Variants in SYTL2 observed in about 807,000 individuals in gnomAD.
The protein encoded by SYTL2 is synaptotagmin like 2, also known as synaptotagmin-like protein 2.
Under a neutral mutation model 198.7 loss-of-function variants are expected in SYTL2, and 165 were observed. The ratio of observed to expected loss-of-function variants is 0.83; its 90% CI spans 0.73 to 0.94. SYTL2 has a LOEUF of 0.94. SYTL2 is among the 40% of genes least tolerant of loss of function. The pLI is 0.00. For missense variants in SYTL2, 2,835 were observed against 2,582.8 expected (o/e 1.10, Z -2.12); for synonymous variants, 966 against 917.7 (o/e 1.05, Z -0.95).
At chr11:85,783,568 A>C (rs1480543527) in intron 1 of SYTL2, among the ~76,000 whole-genome samples, 1 of 152,228 alleles carries the variant, frequency 6.6e-6, no homozygotes, top group East Asian at 1.9e-4. Context: ...AAAAACAATA[A>C]GACTATCAAA....
At chr11:85,842,237 G>A in the SYTL2 span, among the ~76,000 whole-genome samples, 3 of 152,302 alleles carry the variant, frequency 2.0e-5, no homozygotes, top group African/African-American at 7.2e-5. Flanking sequence ...CATTCACCAG[G>A]CAAACCCTTA....
chr11:85,709,496 C>T lies in SYTL2; in HGVS notation c.5750G>A (p.Ser1917Asn). Residue 1917 changes from serine (S) to asparagine (N), a missense_variant, in exon 14 of 20, where the codon AGT (serine) becomes AAT (asparagine). This residue lies in a region of SYTL2 where 2,645 missense variants were observed against 2,381.7 expected (regional missense o/e 1.11). Transcript: ENST00000359152. ...ACTATAAACACTCATCACACTGCCA[C>T]TCACCTGAAAGCATCAGAAATACAT... ...SSGMTSLSSV[S>N]GSVMSVYSGD... 6.2e-7 allele frequency: 1 copy of T among 1,613,616 alleles called. No individual in the cohort carries two copies. The highest frequency in any genetic ancestry group is 1.1e-5 in the South Asian group (1 of 91,072).
At position 85,725,328 on chromosome 11, in the gene SYTL2, T is replaced by TAGCCTGGGGAACAAGATGAGC. The variant is rs1182780361; in HGVS notation, c.4009_4029dup (p.Ala1337_Ala1343dup). 6.2e-7 allele frequency: 1 copy of TAGCCTGGGGAACAAGATGAGC among 1,614,020 alleles called. No individual in the cohort carries two copies. Among genetic ancestry groups the TAGCCTGGGGAACAAGATGAGC allele is most frequent in the East Asian group, 2.2e-5 (1 of 44,888 alleles). On this transcript the variant is annotated inframe_insertion, in exon 8 of 20. Transcript: ENST00000359152. ...ATTTCCGTTTGAGAAGGGTGTACCC[T>TAGCCTGGGGAACAAGATGAGC]AGCCTGGGGAACAAGATGAGCATCC...
chr11:85,847,998 G>A, the SYTL2 span, among the ~76,000 whole-genome samples: 7 of 152,178 alleles, frequency 4.6e-5, no homozygotes, highest in South Asian at 4.2e-4. Flanking sequence ...AGGCTAAGGC[G>A]GGAGAATCGC....
At chr11:85,819,476 T>C in the SYTL2 span, among the ~76,000 whole-genome samples, 13 of 152,320 alleles carry the variant, frequency 8.5e-5, no homozygotes, top group South Asian at 1.7e-3. Flanking sequence ...CCCAAGATGG[T>C]CTCTCCTTCT....
intron 7 of SYTL2, among the ~76,000 whole-genome samples, chr11:85,728,528 A>G (rs947320915): frequency 2.6e-5 from 4 of 151,616 alleles, no homozygotes; most frequent in East Asian, 1.9e-4. Context: ...CTCATGATCC[A>G]CTCACCTCAG....
chr11:85,850,298 G>A, the SYTL2 span, among the ~76,000 whole-genome samples: 1 of 151,538 alleles, frequency 6.6e-6, no homozygotes, highest in Non-Finnish European at 1.5e-5. Context: ...CTGCCTAATT[G>A]CCCTGGCCAG....
Position 85,726,260 on chromosome 11 carries a change from G to C in SYTL2, c.3098C>G (p.Thr1033Ser). 6.2e-7 allele frequency: 1 copy of C among 1,613,708 alleles called. No individual in the cohort carries two copies. Among genetic ancestry groups the C allele is most frequent in the Admixed American group, 1.7e-5 (1 of 59,938 alleles). The change falls in exon 8 of 20, where the codon ACC becomes AGC. Residue 1033 changes from threonine (T) to serine (S), a missense_variant. Physicochemically the swap from Thr to Ser is moderately conservative, Grantham distance 58 (BLOSUM62 1). Transcript: ENST00000359152. ...GCTTAGAAGCACCTCTGCTTCATGG[G>C]TATTTTTACCTGATAATTTAATGTC... ...FSDIKLSGKN[T>S]HEAEVLLSPK...
intron 16 of SYTL2, among the ~76,000 whole-genome samples, chr11:85,703,003 T>C (rs1294946120): frequency 6.6e-6 from 1 of 152,154 alleles, no homozygotes; most frequent in East Asian, 1.9e-4. Context: ...ATATTATAGA[T>C]TGGCTTAAAT....
intron 1 of SYTL2, among the ~76,000 whole-genome samples, chr11:85,789,340 GTATATATA>G (rs56956411): frequency 0.035 from 2,173 of 62,340 alleles, 60 homozygotes; most frequent in South Asian, 0.084. Context: ...GTGTGTGTGT[GTATATATA>G]TATATATATA....
At chr11:85,818,305 A>G in the SYTL2 span, among the ~76,000 whole-genome samples, 20 of 152,300 alleles carry the variant, frequency 1.3e-4, no homozygotes, top group African/African-American at 4.8e-4. Flanking sequence ...TTATTAAATT[A>G]CTCATTCATG....
rs780826446 is a variant in SYTL2 at position 85,720,945 on chromosome 11, G to T, written c.5341C>A (p.Pro1781Thr). 2 of 1,611,148 alleles carry T rather than the reference G, an allele frequency of 1.2e-6. No individual in the cohort carries two copies. Among genetic ancestry groups the T allele is most frequent in the Non-Finnish European group, 1.7e-6 (2 of 1,178,278 alleles). The change falls in exon 9 of 20, where the codon CCC (proline) becomes ACC (threonine). Residue 1781 changes from proline (P) to threonine (T), a missense_variant. Around this residue, in one of 3 missense-constraint regions of SYTL2, gnomAD observed 2,645 missense variants for 2,381.7 expected, o/e 1.11. Transcript: ENST00000359152. ...TCCAAAGTTTTCAAAACAGGACTGG[G>T]TTCTTCTTCTGAACCTGTTATAAAA... ...WRNPSSSEEE[P>T]SPVLKTLERS...
intron 2 of SYTL2, among the ~76,000 whole-genome samples, chr11:85,752,516 C>A (rs12272238): frequency 6.6e-6 from 1 of 152,178 alleles, no homozygotes; most frequent in Non-Finnish European, 1.5e-5. Flanking sequence ...TTCACTCTTT[C>A]TCCTAAGGAA....
In SYTL2 at chr11:85,745,727, A is replaced by G. The variant is rs1329768389; in HGVS notation, c.299T>C (p.Val100Ala). 1 of 1,613,508 alleles carries G rather than the reference A, an allele frequency of 6.2e-7. No homozygotes were observed. Among genetic ancestry groups the G allele is most frequent in the East Asian group, 2.2e-5 (1 of 44,882 alleles). Residue 100 changes from valine (V) to alanine (A), a missense_variant, in exon 4 of 20, where the codon GTG (valine) becomes GCG (alanine). Around this residue, in one of 3 missense-constraint regions of SYTL2, gnomAD observed 2,645 missense variants for 2,381.7 expected, o/e 1.11. Coordinates refer to ENST00000359152, the MANE Select transcript of SYTL2 (RefSeq NM_206927.4). ...GAAAGCATCTTTGTTGACATTATTC[A>G]CCCAGCTTTCCTTTGCCCCATTTTC... ...DRENGAKESW[V>A]NNVNKDAFLP...
At chr11:85,851,024 G>A in the SYTL2 span, among the ~76,000 whole-genome samples, 13 of 126,978 alleles carry the variant, frequency 1.0e-4, no homozygotes, top group Non-Finnish European at 1.3e-4. Context: ...TGGGGACTGT[G>A]GTGGGGTGGG....
chr11:85,838,932 C>T, the SYTL2 span, among the ~76,000 whole-genome samples: 3 of 152,286 alleles, frequency 2.0e-5, no homozygotes, highest in South Asian at 4.1e-4. Flanking sequence ...TTTTTAGAGA[C>T]AGGATCTCAC....
chr11:85,734,441 G>C lies in SYTL2; in HGVS notation c.888C>G (p.Pro296=). ...GGCCAGGTGACACAATTTTGCTTTT[G>C]GGTTCAAAGTTGTGATTATAACGAA... ...ETLRYNHNFE[P]KSKIVSPGLT... Residue 296 remains proline, a synonymous_variant, in exon 7 of 20, where the codon CCC becomes CCG. Coordinates refer to ENST00000359152, the MANE Select transcript of SYTL2 (RefSeq NM_206927.4). The C allele has an allele frequency of 1.9e-6, 3 of 1,614,174 alleles. No individual in the cohort carries two copies. Among genetic ancestry groups the C allele is most frequent in the Non-Finnish European group, 2.5e-6 (3 of 1,180,028 alleles).
At chr11:85,757,191 A>G (rs1359781727) in intron 2 of SYTL2, among the ~76,000 whole-genome samples, 1 of 152,240 alleles carries the variant, frequency 6.6e-6, no homozygotes, top group African/African-American at 2.4e-5. Context: ...TTCTGAAAGC[A>G]TGCAGAAATG....
At chr11:85,822,448 TCTC>T in the SYTL2 span, among the ~76,000 whole-genome samples, 2 of 152,208 alleles carry the variant, frequency 1.3e-5, no homozygotes, top group African/African-American at 2.4e-5. Context: ...CCATTGACCT[TCTC>T]CTGTCAAACT....
Sources: gnomAD v4.1 joint callset for allele counts (sites outside exome capture counted in the v4.1 genomes callset) on GRCh38, gnomAD v4.1.1 for gene constraint, gnomAD v4.1.1 regional missense constraint, MANE v1.5 for transcripts, NCBI Gene and HGNC (gene_info 2026-07-23, HGNC 2026-07-21) for gene names.